Variants in TAF15 observed in about 807,000 individuals in gnomAD.
The protein encoded by TAF15 is TATA-box binding protein associated factor 15.
TAF15 carries 37 observed loss-of-function variants against 102.5 expected under a neutral mutation model. That is an observed-to-expected ratio of 0.36 (90% CI 0.28 to 0.47). TAF15 has a LOEUF of 0.47. Among genes scored for constraint, TAF15 ranks in the 20% least tolerant of loss-of-function variants. TAF15 has a pLI of 0.99. For synonymous variants in TAF15, 273 were observed against 259.2 expected (o/e 1.05, Z -0.51); for missense variants, 652 against 760.7 (o/e 0.86, Z 1.68).
At chr17:35,813,415 C>T (rs545390428) in intron 1 of TAF15, among the ~76,000 whole-genome samples, 4 of 152,186 alleles carry the variant, frequency 2.6e-5, no homozygotes, top group South Asian at 2.1e-4. Flanking sequence ...GGGTAGATCG[C>T]GTGAGCTCAG....
Position 35,838,615 on chromosome 17 carries a change from G to A in TAF15, c.913+62G>A, listed in dbSNP as rs1161669730. 5.0e-6 allele frequency: 8 copies of A among 1,609,928 alleles called. No homozygotes were observed. In the East Asian group the frequency reaches 1.6e-4, roughly 31 times the overall value. On this transcript the variant is annotated intron_variant, in intron 11 of 15. Transcript: ENST00000605844. The stretch of plus-strand genomic sequence containing the variant: ...GATAAATGTTTTCTAGTCTGAAAGT[G>A]AGAATATGCTCTGGGTGACAGTGAT...
At chr17:35,831,466 C>T (rs1020266441) in intron 7 of TAF15, among the ~76,000 whole-genome samples, 2 of 151,450 alleles carry the variant, frequency 1.3e-5, no homozygotes, top group African/African-American at 4.9e-5. Flanking sequence ...AAATCATAAA[C>T]CTATTTAAAT....
intron 10 of TAF15, 29 bp downstream of exon 10, chr17:35,836,270 C>T (rs753503406): frequency 7.0e-7 from 1 of 1,425,576 alleles, no homozygotes; most frequent in East Asian, 2.3e-5. Context: ...TGTTGAAAAT[C>T]TCATAATTAA....
Position 35,820,480 on chromosome 17 carries a change from A to T in TAF15, c.290+43A>T, listed in dbSNP as rs1341359855. 6 of 1,557,074 alleles carry T rather than the reference A, an allele frequency of 3.9e-6. No individual in the cohort carries two copies. In the South Asian group the frequency reaches 6.7e-5, roughly 17 times the overall value. On this transcript the variant is annotated intron_variant, in intron 5 of 15. Coordinates refer to ENST00000605844, the MANE Select transcript of TAF15 (RefSeq NM_139215.3). ...TACTGAGATTGTTTTGGGCAGTGGAAATAACACTGATATTAAACAGATTTA... is the reference window on the plus strand; with the variant it reads ...TACTGAGATTGTTTTGGGCAGTGGATATAACACTGATATTAAACAGATTTA...
intron 7 of TAF15, among the ~76,000 whole-genome samples, chr17:35,828,817 A>G (rs527989623): frequency 6.7e-6 from 1 of 149,624 alleles, no homozygotes; most frequent in Admixed American, 6.7e-5. Flanking sequence ...TCCTTTTTTC[A>G]TATTAAAATT....
At chr17:35,827,705 CA>C (rs1038289629) in intron 7 of TAF15, among the ~76,000 whole-genome samples, 192 of 128,336 alleles carry the variant, frequency 1.5e-3, no homozygotes, top group Admixed American at 2.0e-3. Context: ...AACTCCATCG[CA>C]AAAAAAAAAA....
At chr17:35,818,134 C>T (rs1598520967) in intron 2 of TAF15, among the ~76,000 whole-genome samples, 4 of 151,554 alleles carry the variant, frequency 2.6e-5, no homozygotes, top group Admixed American at 6.6e-5. Flanking sequence ...CTCGCTCTTT[C>T]GCCCAGGCTG....
intron 15 of TAF15, 43 bp downstream of exon 15, chr17:35,845,081 A>G (rs752232812): frequency 6.2e-7 from 1 of 1,610,742 alleles, no homozygotes; most frequent in Non-Finnish European, 8.5e-7. Context: ...ACCTCACTGC[A>G]CCTAGATTGG....
intron 1 of TAF15, among the ~76,000 whole-genome samples, chr17:35,815,631 A>G (rs2087186271): frequency 6.6e-6 from 1 of 152,168 alleles, no homozygotes; most frequent in African/African-American, 2.4e-5. Context: ...CACTGGGAGA[A>G]CCTACATCCA....
At chr17:35,835,462 A>C (rs2087462323) in intron 9 of TAF15, among the ~76,000 whole-genome samples, 1 of 152,258 alleles carries the variant, frequency 6.6e-6, no homozygotes, top group Non-Finnish European at 1.5e-5. Flanking sequence ...TAGAGGTTAA[A>C]AATCTATTTG....
chr17:35,819,909 T>C, intron 2 of TAF15, 115 bp from the exon 3 acceptor site: 1 of 913,842 alleles, frequency 1.1e-6, no homozygotes. Flanking sequence ...AGATTGATGA[T>C]TTCTCAGCAA....
intron 6 of TAF15, 131 bp downstream of exon 6, chr17:35,822,964 T>C: frequency 9.0e-7 from 1 of 1,105,152 alleles, no homozygotes; most frequent in South Asian, 1.3e-5. Flanking sequence ...ATATGTTCCC[T>C]CTCATGGTAA....
chr17:35,845,043 G>C lies in TAF15; in HGVS notation c.1739+5G>C, dbSNP rs780260940. ...TGGAGGCAAAATGGGAGGAAGGTGA[G>C]TATTAGAATGTGTTTATTAACCTTT... On this transcript the variant is annotated splice_donor_5th_base_variant and intron_variant, in intron 15 of 15. Transcript: ENST00000605844. 1 of 1,613,932 alleles carries C rather than the reference G, an allele frequency of 6.2e-7. No individual in the cohort carries two copies. Among genetic ancestry groups the C allele is most frequent in the South Asian group, 1.1e-5 (1 of 91,078 alleles).
At chr17:35,821,487 G>T (rs1456442796) in intron 5 of TAF15, among the ~76,000 whole-genome samples, 1 of 152,188 alleles carries the variant, frequency 6.6e-6, no homozygotes, top group East Asian at 1.9e-4. Flanking sequence ...TGGTTGTGTT[G>T]TGCTTTCGAC....
intron 1 of TAF15, among the ~76,000 whole-genome samples, chr17:35,814,967 T>G (rs4795092): frequency 0.1 from 15,616 of 152,136 alleles, 930 homozygotes; most frequent in East Asian, 0.22. Flanking sequence ...TACCTCTTTG[T>G]GTAATTAATA....
At chr17:35,843,993 A>T in intron 12 of TAF15, 84 bp from the exon 13 acceptor site, 1 of 1,172,444 alleles carries the variant, frequency 8.5e-7, no homozygotes, top group Non-Finnish European at 1.3e-6. Flanking sequence ...ATTGATGGGT[A>T]TCTACTCTTA....
chr17:35,838,278 A>G, intron 10 of TAF15, 146 bp from the exon 11 acceptor site: 4 of 1,012,710 alleles, frequency 3.9e-6, no homozygotes, highest in Non-Finnish European at 5.8e-6. Context: ...GCTTGTCTAA[A>G]CCTACAGGTA....
At chr17:35,843,548 C>T (rs1244335451) in intron 12 of TAF15, among the ~76,000 whole-genome samples, 1 of 152,080 alleles carries the variant, frequency 6.6e-6, no homozygotes, top group Non-Finnish European at 1.5e-5. Context: ...CTCACCTAAT[C>T]TTCTTCATGG....
intron 15 of TAF15, 120 bp downstream of exon 15, chr17:35,845,158 G>A: frequency 1.6e-6 from 2 of 1,278,506 alleles, no homozygotes; most frequent in Non-Finnish European, 2.2e-6. Flanking sequence ...CTCTCAGGAT[G>A]GAGAAGATGA....
Sources: gnomAD v4.1 joint callset for allele counts (sites outside exome capture counted in the v4.1 genomes callset) on GRCh38, gnomAD v4.1.1 for gene constraint, MANE v1.5 for transcripts, NCBI Gene and HGNC (gene_info 2026-07-23, HGNC 2026-07-21) for gene names.